The following PISD variants were observed in gnomAD, a reference collection of about 807,000 sequenced individuals.
The protein encoded by PISD is phosphatidylserine decarboxylase proenzyme, mitochondrial.
Under a neutral mutation model 43.5 loss-of-function variants are expected in PISD, and 31 were observed. The observed-to-expected ratio is 0.71, with a 90% CI of 0.54 to 0.96. The LOEUF is 0.96. Ranked by LOEUF, PISD falls within the 40% of genes least tolerant of loss-of-function variation. The pLI, the probability that PISD is intolerant of heterozygous loss-of-function variation, is 0.00. For synonymous variants in PISD, 259 were observed against 228.7 expected, an observed-to-expected ratio of 1.13 and a Z score of -1.20; for missense variants, 523 against 548.4, an observed-to-expected ratio of 0.95 and a Z score of 0.46.
chr22:31,621,867 C>G lies in PISD; in HGVS notation c.340G>C (p.Val114Leu). The change falls in exon 4 of 8, where the codon GTG (valine) becomes CTG (leucine). Residue 114 changes from valine (V) to leucine (L), a missense_variant. Transcript: ENST00000439502. ...GCCCGTGACAGCAAGCGCGTTGGCA[C>G]TGACTTGTACAAAGCCACCTGCAGG... is the stretch of plus-strand genomic sequence containing the variant. Reference protein sequence around the residue: ...GHWEVALYKSVPTRLLSRAWG... With the variant: ...GHWEVALYKSLPTRLLSRAWG... The G allele has an allele frequency of 6.2e-7, 1 of 1,609,042 alleles. No individual in the cohort carries two copies. The highest frequency in any genetic ancestry group is 8.5e-7 in the Non-Finnish European group (1 of 1,179,970).
chr22:31,629,130 GC>G (rs908780960), intron 3 of PISD: 6 of 985,156 alleles, frequency 6.1e-6, no homozygotes, highest in Non-Finnish European at 6.0e-6. Context: ...CACAACACCT[GC>G]CCCCCCAGTG....
At chr22:31,648,833 A>G (rs567175559) in intron 2 of PISD, among the ~76,000 whole-genome samples, 1 of 152,246 alleles carries the variant, frequency 6.6e-6, no homozygotes, top group South Asian at 2.1e-4. Context: ...CTCAACTGCC[A>G]CCGCAGTCAC....
At chr22:31,662,307 G>T, upstream of PISD, 2 of 1,266,310 alleles carry the variant, frequency 1.6e-6, no homozygotes, top group Non-Finnish European at 2.3e-6. Flanking sequence ...TGAGAAAAGC[G>T]CGGGTTGGGG....
chr22:31,626,367 T>G (rs1360677614), intron 3 of PISD: 1 of 153,784 alleles, frequency 6.5e-6, no homozygotes, highest in African/African-American at 2.4e-5. Context: ...TCAGCCGGTC[T>G]GCAGTTTGGC....
At chr22:31,645,538 CT>C (rs1198668208) in intron 3 of PISD, among the ~76,000 whole-genome samples, 365 of 138,802 alleles carry the variant, frequency 2.6e-3, no homozygotes, top group Non-Finnish European at 4.1e-3. Flanking sequence ...AACCCTGTCT[CT>C]TTTTTTTTTT....
At position 31,618,763 on chromosome 22, in the gene PISD, C is replaced by T. The variant is rs1416425868; in HGVS notation, c.*849G>A. 1 of 210,784 alleles carries T rather than the reference C, an allele frequency of 4.7e-6. No individual in the cohort carries two copies. The highest frequency in any genetic ancestry group is 1.1e-4 in the East Asian group (1 of 9,382). The allele number at this position is 210,784 out of a possible 1,614,324, so 13.1% of individuals were successfully genotyped here. ...CAACTATCCACCAAGGGTCCTCTGC[C>T]TCCAAGACAGACCCTGAATCAATAG... On this transcript the variant is annotated 3_prime_UTR_variant, in exon 8 of 8. Transcript: ENST00000439502.
chr22:31,658,752 C>T (rs1031088174), intron 1 of PISD, among the ~76,000 whole-genome samples: 2 of 151,868 alleles, frequency 1.3e-5, no homozygotes, highest in African/African-American at 4.8e-5. Context: ...AGGTTGGTCT[C>T]GAACTCTTGG....
intron 1 of PISD, among the ~76,000 whole-genome samples, chr22:31,652,996 G>A (rs1018733997): frequency 6.9e-6 from 1 of 145,248 alleles, no homozygotes; most frequent in Non-Finnish European, 1.5e-5. Context: ...CCGAAAACAC[G>A]CTACTGTACT....
In PISD at chr22:31,618,661, C is replaced by G; in HGVS notation, c.*951G>C. 2.5e-6 allele frequency: 1 copy of G among 404,304 alleles called. No homozygotes were observed. Among genetic ancestry groups the G allele is most frequent in the African/African-American group, 2.1e-5 (1 of 48,550 alleles). 25.0% of individuals were successfully genotyped at this position (404,304 alleles called of 1,614,324 possible). The stretch of plus-strand genomic sequence containing the variant: ...AGCATCCCCAGGGTCAACATGAAAT[C>G]TGGCCCTGTCCCCGCCACTGGGGGC... On this transcript the variant is annotated 3_prime_UTR_variant, in exon 8 of 8. Coordinates refer to ENST00000439502, the MANE Select transcript of PISD (RefSeq NM_001326411.2).
Position 31,619,612 on chromosome 22 carries a change from C to G in PISD, c.1230G>C (p.Ter410TyrextTer9). 1.9e-6 allele frequency: 3 copies of G among 1,612,442 alleles called. No homozygotes were observed. Among genetic ancestry groups the G allele is most frequent in the Non-Finnish European group, 2.5e-6 (3 of 1,178,534 alleles). The change falls in exon 8 of 8, where the codon TAG (stop) becomes TAC (tyrosine). Residue 410 changes from the stop codon to tyrosine (Y), a stop_lost. Transcript: ENST00000439502. ...AGCAGCCATAATCAGGAAAGAGACT[C>G]TAGAGCGAGCCCAGGGCTTCCCCAA... is the stretch of plus-strand genomic sequence containing the variant. The part of the protein sequence containing the change: ...IRFGEALGSL[*>Y]
Position 31,619,560 on chromosome 22 carries a change from C to G in PISD, c.*52G>C, listed in dbSNP as rs2072361103. ...TCATGGGCCTCCCTCTTGAAAAGAC[C>G]CTCACTCTGTTTGGAAAAGATCCCT... On this transcript the variant is annotated 3_prime_UTR_variant, in exon 8 of 8. Coordinates refer to ENST00000439502, the MANE Select transcript of PISD (RefSeq NM_001326411.2). 8.7e-6 allele frequency: 13 copies of G among 1,493,416 alleles called. No homozygotes were observed. Among genetic ancestry groups the G allele is most frequent in the Non-Finnish European group, 1.2e-5 (13 of 1,074,314 alleles). 92.5% of individuals were successfully genotyped at this position (1,493,416 alleles called of 1,614,324 possible).
chr22:31,641,793 C>A (rs1370875546), intron 3 of PISD, among the ~76,000 whole-genome samples: 1 of 150,962 alleles, frequency 6.6e-6, no homozygotes, highest in Non-Finnish European at 1.5e-5. Flanking sequence ...GCACTCCAGC[C>A]TGGGCGACAG....
intron 3 of PISD, chr22:31,632,180 T>G (rs937521838): frequency 1.0e-6 from 1 of 973,958 alleles, no homozygotes; most frequent in East Asian, 1.1e-4. Flanking sequence ...CTGTCGTCCT[T>G]ACCTGGATCC....
At chr22:31,623,254 T>A (rs1208306353) in intron 3 of PISD, among the ~76,000 whole-genome samples, 1 of 152,252 alleles carries the variant, frequency 6.6e-6, no homozygotes, top group African/African-American at 2.4e-5. Context: ...GTCCTCACCC[T>A]AAGGGACCCA....
intron 2 of PISD, among the ~76,000 whole-genome samples, chr22:31,650,414 C>T (rs1028384399): frequency 1.3e-5 from 2 of 151,712 alleles, no homozygotes; most frequent in African/African-American, 2.4e-5. Flanking sequence ...TGGTGCACAT[C>T]TGTGTCCCAG....
intron 3 of PISD, among the ~76,000 whole-genome samples, chr22:31,637,204 T>TATACAC (rs1267117734): frequency 8.3e-4 from 79 of 95,688 alleles, no homozygotes; most frequent in South Asian, 1.4e-3. Flanking sequence ...TATATATATA[T>TATACAC]ATAGAAAAAT....
Position 31,648,256 on chromosome 22 carries a change from C to T in PISD, c.166G>A (p.Ala56Thr), listed in dbSNP as rs1569491376. 2 of 1,609,398 alleles carry T rather than the reference C, an allele frequency of 1.2e-6. No individual in the cohort carries two copies. The highest frequency in any genetic ancestry group is 2.7e-5 in the African/African-American group (2 of 74,934). ...AGCAGGAACATGGTTCGGGCAGGGGCAGTGTGGATTTTTCTGGCATCTGTA... is the reference window on the plus strand; with the variant it reads ...AGCAGGAACATGGTTCGGGCAGGGGTAGTGTGGATTTTTCTGGCATCTGTA... ...FRTDARKIHT[A>T]PARTMFLLRP... The change falls in exon 3 of 8, where the codon GCC (alanine) becomes ACC (threonine). Residue 56 changes from alanine (A) to threonine (T), a missense_variant. Transcript: ENST00000439502.
At chr22:31,637,166 T>C (rs12166468) in intron 3 of PISD, among the ~76,000 whole-genome samples, 1 of 16,366 alleles carries the variant, frequency 6.1e-5, no homozygotes, top group Admixed American at 7.6e-4. Flanking sequence ...AAAAAAAAAA[T>C]ATATATATAT....
In PISD at chr22:31,642,812, A is replaced by C. The variant is rs1179331828; in HGVS notation, c.321+5289T>G. ...TCAGTTTCAAAAAAAAAAAAAAAGAAAGAAAAAAAGCCGGGCGTGGTGGCT... is the reference window on the plus strand; with the variant it reads ...TCAGTTTCAAAAAAAAAAAAAAAGACAGAAAAAAAGCCGGGCGTGGTGGCT... On this transcript the variant is annotated intron_variant, in intron 3 of 7. Transcript: ENST00000439502. 5.6e-5 allele frequency among the ~76,000 whole-genome samples: 8 copies of C among 143,010 alleles called. No homozygotes were observed. The East Asian group carries it at 1.7e-3, about 30-fold the overall frequency. The allele number at this position is 143,010 out of a possible 152,430, so 93.8% of individuals were successfully genotyped here.
Sources: gnomAD v4.1 joint callset for allele counts (sites outside exome capture counted in the v4.1 genomes callset) on GRCh38, gnomAD v4.1.1 for gene constraint, MANE v1.5 for transcripts, NCBI Gene and HGNC (gene_info 2026-07-23, HGNC 2026-07-21) for gene names.